Variants in PNLIPRP3 observed in about 807,000 individuals in gnomAD.
PNLIPRP3 encodes pancreatic lipase related protein 3.
A neutral mutation model predicts 52.8 loss-of-function variants in PNLIPRP3; 58 were observed. The ratio of observed to expected loss-of-function variants is 1.10; its 90% CI spans 0.89 to 1.37. PNLIPRP3 has a LOEUF of 1.37. Ranked by LOEUF, PNLIPRP3 falls within the 40% of genes most tolerant of loss-of-function variation. The pLI is 0.00. For missense variants in PNLIPRP3, 593 were observed against 561.6 expected (o/e 1.06, Z -0.57); for synonymous variants, 192 against 185.0 (o/e 1.04, Z -0.31).
In PNLIPRP3 at chr10:116,427,848, T is replaced by C. The variant is rs17094724; in HGVS notation, c.-165T>C. 0.06 allele frequency: 35,147 copies of C among 583,688 alleles called. 1,729 individuals are homozygous for C. The highest frequency in any genetic ancestry group is 0.19 in the East Asian group (6,229 of 32,192). 36.2% of individuals were successfully genotyped at this position (583,688 alleles called of 1,614,324 possible). ...TGTAAGGCACACCCCGATAATTTTA[T>C]TTACTTTGCAGAGCATAAGGTGGAA... On this transcript the variant is annotated 5_prime_UTR_variant, in exon 1 of 12. Transcript: ENST00000369230.
At chr10:116,439,296 A>G (rs1329772055) in intron 2 of PNLIPRP3, among the ~76,000 whole-genome samples, 1 of 152,200 alleles carries the variant, frequency 6.6e-6, no homozygotes, top group Non-Finnish European at 1.5e-5. Context: ...CTTGTAAACC[A>G]CTGACTATTT....
chr10:116,462,233 G>A (rs538896494), intron 7 of PNLIPRP3, among the ~76,000 whole-genome samples: 54 of 151,562 alleles, frequency 3.6e-4, no homozygotes, highest in Non-Finnish European at 6.2e-4. Context: ...GGCACCGAAA[G>A]GTTATTATTT....
intron 5 of PNLIPRP3, among the ~76,000 whole-genome samples, chr10:116,458,880 T>C (rs1846152627): frequency 6.6e-6 from 1 of 152,158 alleles, no homozygotes; most frequent in Admixed American, 6.5e-5. Context: ...CTCCACAAAG[T>C]TGAAAGTGGA....
chr10:116,459,790 TG>T (rs1846165438), intron 5 of PNLIPRP3, among the ~76,000 whole-genome samples: 1 of 152,122 alleles, frequency 6.6e-6, no homozygotes, highest in Admixed American at 6.5e-5. Context: ...TTTTTTGAGA[TG>T]GAGTCTTGCT....
chr10:116,441,102 A>T (rs904409237), intron 2 of PNLIPRP3, among the ~76,000 whole-genome samples: 1 of 152,110 alleles, frequency 6.6e-6, no homozygotes, highest in Non-Finnish European at 1.5e-5. Context: ...TTTTGATCCC[A>T]TGATGGTGTA....
At chr10:116,469,095 A>G in intron 8 of PNLIPRP3, 90 bp from the exon 9 acceptor site, 2 of 1,238,502 alleles carry the variant, frequency 1.6e-6, no homozygotes, top group Non-Finnish European at 2.2e-6. Flanking sequence ...GATCCTGGAG[A>G]TTTATTATTA....
In PNLIPRP3 at chr10:116,439,550, A is replaced by G. The variant is rs562768257; in HGVS notation, c.204+2685A>G. The G allele has an allele frequency of 3.0e-4, 257 of 843,428 alleles. 1 individual carries two copies. The highest frequency in any genetic ancestry group is 1.8e-3 in the Admixed American group (99 of 55,632). 52.2% of individuals were successfully genotyped at this position (843,428 alleles called of 1,614,324 possible). ...CAACTTTAGCAGGACGCTTTGCGCC[A>G]TCAAACTTTACTTTCGACTTATAGT... On this transcript the variant is annotated intron_variant, in intron 2 of 11. Coordinates refer to ENST00000369230, the MANE Select transcript of PNLIPRP3 (RefSeq NM_001011709.3).
intron 5 of PNLIPRP3, among the ~76,000 whole-genome samples, chr10:116,460,325 G>C (rs1846173870): frequency 6.6e-6 from 1 of 152,200 alleles, no homozygotes; most frequent in South Asian, 2.1e-4. Context: ...TTGAATATGT[G>C]AAAGATCATA....
chr10:116,468,626 C>A (rs764694), intron 8 of PNLIPRP3, among the ~76,000 whole-genome samples: 10,326 of 152,190 alleles, frequency 0.068, 941 homozygotes, highest in East Asian at 0.39. Context: ...GGCTTCTTAC[C>A]ATTTTCAGTT....
Position 116,471,869 on chromosome 10 carries a change from G to C in PNLIPRP3, c.1162G>C (p.Ala388Pro), listed in dbSNP as rs1455145598. ...GGAVRKTGEF[A>P]IVSGKLEPGM... is the part of the protein sequence containing the mutation. ...GGCAGTTAGGAAAACTGGGGAGTTT[G>C]CCATTGTCAGGTAGGCAGAGTGAGA... Residue 388 changes from alanine to proline, a missense_variant, in exon 10 of 12, where the codon GCC (alanine) becomes CCC (proline). Ala to Pro is a conservative substitution (Grantham distance 27, BLOSUM62 -1). Coordinates refer to ENST00000369230, the MANE Select transcript of PNLIPRP3 (RefSeq NM_001011709.3). The C allele has an allele frequency of 1.3e-6, 2 of 1,579,066 alleles. No individual in the cohort carries two copies. Among genetic ancestry groups the C allele is most frequent in the South Asian group, 2.2e-5 (2 of 89,964 alleles).
intron 1 of PNLIPRP3, among the ~76,000 whole-genome samples, chr10:116,432,357 G>A (rs1845718866): frequency 6.6e-6 from 1 of 152,124 alleles, no homozygotes; most frequent in Non-Finnish European, 1.5e-5. Flanking sequence ...ATTAACACTA[G>A]CTTCATGTAA....
intron 8 of PNLIPRP3, among the ~76,000 whole-genome samples, chr10:116,466,775 G>A (rs549788190): frequency 6.6e-6 from 1 of 152,290 alleles, no homozygotes; most frequent in African/African-American, 2.4e-5. Flanking sequence ...CTAATCCCCT[G>A]TTTTATCACG....
chr10:116,436,701 T>C lies in PNLIPRP3; in HGVS notation c.50-10T>C, dbSNP rs909026210. 7.5e-6 allele frequency: 12 copies of C among 1,601,726 alleles called. No individual in the cohort carries two copies. The Admixed American group carries it at 1.9e-4, about 25-fold the overall frequency. ...TTCCTCTATACTGACACTCCACCTT[T>C]CTGCTGCAGGAAAAGAAGTTTGCTA... On this transcript the variant is annotated splice_polypyrimidine_tract_variant and intron_variant, in intron 1 of 11. Transcript: ENST00000369230.
rs1589986477 is a variant in PNLIPRP3 at position 116,460,850 on chromosome 10, T to C, written c.566-116T>C. On this transcript the variant is annotated intron_variant, in intron 5 of 11. Coordinates refer to ENST00000369230, the MANE Select transcript of PNLIPRP3 (RefSeq NM_001011709.3). ...AGATTTAGGTTATGTATCTGTACTT[T>C]TTCCTGAGTGATCTTTGATTGATAG... 2.1e-6 allele frequency: 3 copies of C among 1,403,722 alleles called. No individual in the cohort carries two copies. In the East Asian group the frequency reaches 7.5e-5, roughly 35 times the overall value. 87.0% of individuals were successfully genotyped at this position (1,403,722 alleles called of 1,614,324 possible).
chr10:116,443,792 T>G (rs1180239947), intron 3 of PNLIPRP3, among the ~76,000 whole-genome samples: 4 of 10,056 alleles, frequency 4.0e-4, no homozygotes, highest in Non-Finnish European at 3.6e-3. Flanking sequence ...TGTGTATGTA[T>G]GTGTGTGTGC....
At chr10:116,456,296 A>G (rs1389407466) in intron 5 of PNLIPRP3, among the ~76,000 whole-genome samples, 4 of 152,146 alleles carry the variant, frequency 2.6e-5, no homozygotes, top group African/African-American at 7.2e-5. Context: ...GTTAACAATA[A>G]TTTATTACAT....
At chr10:116,466,219 C>A in intron 8 of PNLIPRP3, 51 bp downstream of exon 8, 1 of 1,336,064 alleles carries the variant, frequency 7.5e-7, no homozygotes, top group Non-Finnish European at 1.0e-6. Context: ...TTTTTTGAAA[C>A]ACAATCATCC....
chr10:116,461,868 G>A (rs149023820), intron 7 of PNLIPRP3, among the ~76,000 whole-genome samples: 44 of 152,266 alleles, frequency 2.9e-4, no homozygotes, highest in South Asian at 1.2e-3. Context: ...AGGCCAACAG[G>A]GGGAAGCAAG....
intron 4 of PNLIPRP3, among the ~76,000 whole-genome samples, chr10:116,446,843 C>A (rs1450210311): frequency 6.6e-6 from 1 of 152,192 alleles, no homozygotes; most frequent in Non-Finnish European, 1.5e-5. Flanking sequence ...ACCATATGAT[C>A]TGAAGGAAAC....
Sources: allele counts gnomAD v4.1 joint callset (sites outside exome capture counted in the v4.1 genomes callset), GRCh38; gene constraint gnomAD v4.1.1; transcripts MANE v1.5; gene names NCBI Gene and HGNC (gene_info 2026-07-23, HGNC 2026-07-21).